The following TNPO1 variants were observed in gnomAD, a reference collection of about 807,000 sequenced individuals.
The protein encoded by TNPO1 is transportin-1.
Under a neutral mutation model 119.5 loss-of-function variants are expected in TNPO1, and 8 were observed. The ratio of observed to expected loss-of-function variants is 0.07; its 90% CI spans 0.04 to 0.12. TNPO1 has a LOEUF of 0.12. TNPO1 is among the 10% of genes least tolerant of loss of function. TNPO1 has a pLI of 1.00. For missense variants in TNPO1, 576 were observed against 1,089.8 expected (o/e 0.53, Z 6.64); for synonymous variants, 362 against 363.0 (o/e 1.00, Z 0.03).
At chr5:72,905,518 A>C (rs184811821) in intron 24 of TNPO1, 73 bp downstream of exon 24, 2 of 660,750 alleles carry the variant, frequency 3.0e-6, no homozygotes, top group Admixed American at 5.6e-5. Context: ...AAACTACTAA[A>C]TAGAATAAAA....
At chr5:72,858,836 C>CAA (rs564909566) in intron 4 of TNPO1, among the ~76,000 whole-genome samples, 2 of 122,214 alleles carry the variant, frequency 1.6e-5, no homozygotes, top group Non-Finnish European at 1.7e-5. Context: ...GACTCCGTCT[C>CAA]AAAAAAAAAA....
chr5:72,872,805 C>A, intron 7 of TNPO1, 85 bp downstream of exon 7: 1 of 695,056 alleles, frequency 1.4e-6, no homozygotes. Flanking sequence ...TGTAGTTTTG[C>A]TTTAAAACAA....
chr5:72,835,487 G>A (rs1580371633), intron 1 of TNPO1, among the ~76,000 whole-genome samples: 1 of 152,138 alleles, frequency 6.6e-6, no homozygotes, highest in Non-Finnish European at 1.5e-5. Flanking sequence ...ATCCCCACAT[G>A]GACGAAGGGA....
chr5:72,869,853 GT>G (rs1469989150), intron 6 of TNPO1, among the ~76,000 whole-genome samples: 1 of 152,150 alleles, frequency 6.6e-6, no homozygotes, highest in Non-Finnish European at 1.5e-5. Flanking sequence ...TGTGACATGA[GT>G]AATTATTCTG....
chr5:72,876,951 C>G (rs1022673793), intron 8 of TNPO1, among the ~76,000 whole-genome samples: 1 of 151,560 alleles, frequency 6.6e-6, no homozygotes, highest in African/African-American at 2.4e-5. Flanking sequence ...AAAAATTAGC[C>G]GGGTGTGGTG....
chr5:72,838,563 A>G (rs1377371761), intron 1 of TNPO1, among the ~76,000 whole-genome samples: 1 of 152,190 alleles, frequency 6.6e-6, no homozygotes, highest in African/African-American at 2.4e-5. Flanking sequence ...TTCAGTAAGT[A>G]TAGCTATAAT....
intron 1 of TNPO1, chr5:72,825,896 G>A (rs1744188766): frequency 6.6e-6 from 1 of 152,218 alleles, no homozygotes; most frequent in Admixed American, 6.5e-5. Context: ...AATGGACTAA[G>A]ACATTCCCTT....
At chr5:72,842,625 A>G (rs153320) in intron 1 of TNPO1, among the ~76,000 whole-genome samples, 123,950 of 152,172 alleles carry the variant, frequency 0.81, 50,851 homozygotes, top group Non-Finnish European at 0.86. Context: ...ATTCCATTTT[A>G]TATGCAGATT....
chr5:72,877,383 T>A, intron 9 of TNPO1, 37 bp downstream of exon 9: 1 of 982,662 alleles, frequency 1.0e-6, no homozygotes, highest in Non-Finnish European at 1.5e-6. Context: ...CCTTGTTCTT[T>A]AATTTCTTAA....
At chr5:72,854,914 T>C (rs572234979) in intron 3 of TNPO1, among the ~76,000 whole-genome samples, 30 of 152,308 alleles carry the variant, frequency 2.0e-4, no homozygotes, top group African/African-American at 7.0e-4. Flanking sequence ...ATTTGTTACA[T>C]GAAGGTCTTA....
intron 7 of TNPO1, 25 bp from the exon 8 acceptor site, chr5:72,875,590 G>A: frequency 6.2e-7 from 1 of 1,606,422 alleles, no homozygotes; most frequent in Middle Eastern, 1.7e-4. Flanking sequence ...TCTAAAACTA[G>A]AAAAAATTAT....
At chr5:72,903,146 C>G (rs1338190700) in intron 22 of TNPO1, among the ~76,000 whole-genome samples, 1 of 152,030 alleles carries the variant, frequency 6.6e-6, no homozygotes, top group Non-Finnish European at 1.5e-5. Flanking sequence ...AAGTAATTGT[C>G]CAAAAGTTGG....
rs1323871651 is a variant in TNPO1 at position 72,911,843 on chromosome 5, C to T, written c.*3170C>T. 1 of 152,448 alleles carries T rather than the reference C, an allele frequency of 6.6e-6. No homozygotes were observed. The highest frequency in any genetic ancestry group is 1.5e-5 in the Non-Finnish European group (1 of 67,930). 9.4% of individuals were successfully genotyped at this position (152,448 alleles called of 1,614,324 possible). A position where few individuals can be genotyped will look rare whatever the true frequency, so the allele number is the denominator to read the frequency against. On this transcript the variant is annotated 3_prime_UTR_variant, in exon 25 of 25. Transcript: ENST00000337273. ...TCAGTGTTTACTGTTTTATATATGC[C>T]TTCTTTTTCCTGTTTGAGCTTCTCT...
At chr5:72,873,163 A>G (rs1385535983) in intron 7 of TNPO1, among the ~76,000 whole-genome samples, 1 of 152,126 alleles carries the variant, frequency 6.6e-6, no homozygotes, top group Non-Finnish European at 1.5e-5. Flanking sequence ...CCATTGTAAA[A>G]TTAGAGGCAT....
In TNPO1 at chr5:72,865,745, G is replaced by C. The variant is rs746348332; in HGVS notation, c.596+16G>C. 5.0e-6 allele frequency: 8 copies of C among 1,605,380 alleles called. No individual in the cohort carries two copies. Among genetic ancestry groups the C allele is most frequent in the Non-Finnish European group, 5.9e-6 (7 of 1,176,926 alleles). ...CAAAAATAAGGTACTTATATTGCCA[G>C]TACTAATTGATTAACTGTGATATAA... On this transcript the variant is annotated intron_variant, in intron 6 of 24. Coordinates refer to ENST00000337273, the MANE Select transcript of TNPO1 (RefSeq NM_002270.4).
rs528001854 is a variant in TNPO1, at chr5:72,820,342, C to A, written c.15+3590C>A. ...AAAGTAAACATCCAAAGCTCATGGT[C>A]CATACTGCAAATTGCTTTTACTTAA... is the stretch of plus-strand genomic sequence containing the variant. On this transcript the variant is annotated intron_variant, in intron 1 of 24. Coordinates refer to ENST00000337273, the MANE Select transcript of TNPO1 (RefSeq NM_002270.4). Among the ~76,000 whole-genome samples, 15 of 152,184 alleles carry A rather than the reference C, an allele frequency of 9.9e-5. No individual in the cohort carries two copies. The South Asian group carries it at 3.1e-3, about 32-fold the overall frequency.
rs77417539 is a variant in TNPO1, at chr5:72,900,242, A to G, written c.2414+161A>G. 2.6e-5 allele frequency among the ~76,000 whole-genome samples: 4 copies of G among 152,170 alleles called. No individual in the cohort carries two copies. The East Asian group carries it at 7.7e-4, about 29-fold the overall frequency. On this transcript the variant is annotated intron_variant, in intron 21 of 24. Transcript: ENST00000337273. Reference sequence around the variant, plus strand: ...CCTATCAGGTTTGTGAGGTTTTTCAATAGCATCGTCATGTATATTTATTTT... The same window carrying G: ...CCTATCAGGTTTGTGAGGTTTTTCAGTAGCATCGTCATGTATATTTATTTT...
At chr5:72,892,994 G>A (rs971076174) in intron 15 of TNPO1, 145 bp from the exon 16 acceptor site, 2 of 543,678 alleles carry the variant, frequency 3.7e-6, no homozygotes, top group Admixed American at 3.3e-5. Flanking sequence ...GAGAGGGTTG[G>A]GGTGGGGGGA....
chr5:72,840,980 C>A (rs1028212713), intron 1 of TNPO1, among the ~76,000 whole-genome samples: 3 of 152,206 alleles, frequency 2.0e-5, no homozygotes, highest in African/African-American at 7.2e-5. Flanking sequence ...ATGTGCCTAG[C>A]ACTGTGTAAC....
Sources: allele counts gnomAD v4.1 joint callset (sites outside exome capture counted in the v4.1 genomes callset), GRCh38; gene constraint gnomAD v4.1.1; transcripts MANE v1.5; gene names NCBI Gene and HGNC (gene_info 2026-07-23, HGNC 2026-07-21).